Variants in DPP6 observed in about 807,000 individuals in gnomAD.
DPP6 encodes the protein dipeptidyl peptidase like 6.
A neutral mutation model predicts 122.6 loss-of-function variants in DPP6; 69 were observed. The ratio of observed to expected loss-of-function variants is 0.56; its 90% confidence interval spans 0.46 to 0.69. DPP6 has a LOEUF of 0.69. Ranked by LOEUF, DPP6 falls within the 30% of genes least tolerant of loss-of-function variation. The pLI is 0.00. For synonymous variants in DPP6, 418 were observed against 433.1 expected (o/e 0.97, Z 0.43); for missense variants, 928 against 1,116.9 (o/e 0.83, Z 2.41).
At chr7:154,422,997 C>T (rs1365549435) in intron 1 of DPP6, among the ~76,000 whole-genome samples, 5 of 152,086 alleles carry the variant, frequency 3.3e-5, no homozygotes, top group Non-Finnish European at 5.9e-5. Context: ...GAGGTATTAC[C>T]TGCTGATGGT....
At chr7:153,885,361 A>G (rs932595634), upstream of DPP6, among the ~76,000 whole-genome samples, 1 of 152,016 alleles carries the variant, frequency 6.6e-6, no homozygotes, top group African/African-American at 2.4e-5. Flanking sequence ...TCCAGAATTC[A>G]TATGTGAAAC....
intron 1 of DPP6, among the ~76,000 whole-genome samples, chr7:154,202,397 A>G (rs1386051381): frequency 6.6e-6 from 1 of 152,220 alleles, no homozygotes; most frequent in African/African-American, 2.4e-5. Context: ...AAGGATGCCG[A>G]ACACATTCAT....
In DPP6 at chr7:154,656,981, T is replaced by C. The variant is rs1586823690; in HGVS notation, c.681-12379T>C. On this transcript the variant is annotated intron_variant, in intron 6 of 25. Transcript: ENST00000377770. ...CTGTGTGGGAGGAGGTGCCCAGAGA[T>C]GGGTGGAGAGGCTGCGTGGGAGGAG... Among the ~76,000 whole-genome samples the C allele has an allele frequency of 1.7e-5, 2 of 118,186 alleles. 1 individual carries two copies. The highest frequency in any genetic ancestry group is 3.3e-5 in the Non-Finnish European group (2 of 59,946). 77.5% of individuals were successfully genotyped at this position (118,186 alleles called of 152,430 possible).
At chr7:153,821,859 C>T in the DPP6 span, among the ~76,000 whole-genome samples, 1 of 151,928 alleles carries the variant, frequency 6.6e-6, no homozygotes, top group African/African-American at 2.4e-5. Context: ...CCTCCAGTGA[C>T]AAGCTCTGTG....
the DPP6 span, among the ~76,000 whole-genome samples, chr7:153,810,671 C>CTCCTCT: frequency 8.0e-6 from 1 of 124,632 alleles, no homozygotes; most frequent in Non-Finnish European, 1.6e-5. Context: ...CTCTCTCTCT[C>CTCCTCT]CTCTCTCTCT....
Position 154,524,219 on chromosome 7 carries a change from G to A in DPP6, c.458-16313G>A, listed in dbSNP as rs139922874. ...ATAGTTTTGTTTTCTTTAATGTTTT[G>A]TGAGTATCACTATTGACTTGTGCTT... On this transcript the variant is annotated intron_variant, in intron 3 of 25. Coordinates refer to ENST00000377770, the MANE Select transcript of DPP6 (RefSeq NM_130797.4). 1.6e-3 allele frequency among the ~76,000 whole-genome samples: 245 copies of A among 152,302 alleles called. 1 individual carries two copies. Among genetic ancestry groups the A allele is most frequent in the African/African-American group, 5.7e-3 (236 of 41,568 alleles).
intron 1 of DPP6, among the ~76,000 whole-genome samples, chr7:154,184,300 C>A (rs561605028): frequency 6.6e-6 from 1 of 151,830 alleles, no homozygotes; most frequent in African/African-American, 2.4e-5. Context: ...ACCCATTTTT[C>A]CCCTGGGAGG....
intron 7 of DPP6, among the ~76,000 whole-genome samples, chr7:154,707,109 A>C (rs1407357817): frequency 2.0e-5 from 3 of 152,224 alleles, no homozygotes; most frequent in African/African-American, 7.2e-5. Flanking sequence ...TTTGAAGGAA[A>C]GGGCAGAGGG....
intron 4 of DPP6, among the ~76,000 whole-genome samples, chr7:154,544,546 G>A (rs1829008536): frequency 6.6e-6 from 1 of 152,218 alleles, no homozygotes; most frequent in Non-Finnish European, 1.5e-5. Flanking sequence ...AAACAATAGA[G>A]TTGAGCAGTT....
the DPP6 span, among the ~76,000 whole-genome samples, chr7:153,868,971 T>C: frequency 1.1e-4 from 17 of 152,298 alleles, no homozygotes; most frequent in Admixed American, 9.2e-4. Context: ...TTTGAGTGAG[T>C]TTCTTAATCC....
At chr7:153,983,611 AGCTAGCTTGGTGTCT>A (rs1796700544) in intron 1 of DPP6, among the ~76,000 whole-genome samples, 1 of 151,664 alleles carries the variant, frequency 6.6e-6, no homozygotes, top group African/African-American at 2.4e-5. Context: ...AAACTCCTCC[AGCTAGCTTGGTGTCT>A]GCCCAAATGG....
At chr7:154,599,408 G>C (rs1174217951) in intron 5 of DPP6, among the ~76,000 whole-genome samples, 1 of 152,080 alleles carries the variant, frequency 6.6e-6, no homozygotes, top group East Asian at 1.9e-4. Context: ...AGAAAACGTG[G>C]CTCAGGTGAC....
At chr7:153,791,424 C>CTTTTTTTTTTTT in the DPP6 span, among the ~76,000 whole-genome samples, 8,232 of 91,194 alleles carry the variant, frequency 0.09, 1,274 homozygotes, top group African/African-American at 0.13. Flanking sequence ...TCCTTCCTTT[C>CTTTTTTTTTTTT]TTTTTTTTTT....
intron 6 of DPP6, among the ~76,000 whole-genome samples, chr7:154,659,752 C>T (rs561483808): frequency 1.2e-4 from 18 of 152,342 alleles, no homozygotes; most frequent in South Asian, 4.1e-4. Context: ...CAGATTGCCA[C>T]GACTCACTTC....
rs1815853325 is a variant in DPP6, at chr7:154,403,867, G to T, written c.244-42347G>T. On this transcript the variant is annotated intron_variant, in intron 1 of 25. Transcript: ENST00000377770. This position sits in a 1 kb window ranked among gnomAD's most constrained non-coding sequence, Gnocchi z 4.1. ...TCTTCCTACTTCTCTTTCTTTGGAAGCATTTCATTTCCTTTTCTAGAAAAT... is the reference window on the plus strand; with the variant it reads ...TCTTCCTACTTCTCTTTCTTTGGAATCATTTCATTTCCTTTTCTAGAAAAT... Among the ~76,000 whole-genome samples the T allele has an allele frequency of 6.6e-6, 1 of 152,160 alleles. No individual in the cohort carries two copies. The highest frequency in any genetic ancestry group is 6.5e-5 in the Admixed American group (1 of 15,270).
chr7:154,626,409 C>T (rs12719642), intron 5 of DPP6, among the ~76,000 whole-genome samples: 63,240 of 151,734 alleles, frequency 0.42, 13,718 homozygotes, highest in African/African-American at 0.55. Context: ...GAGGCATCCT[C>T]GGTTTTAATC....
intron 1 of DPP6, among the ~76,000 whole-genome samples, chr7:154,427,944 T>C (rs781040980): frequency 2.6e-5 from 4 of 152,178 alleles, no homozygotes; most frequent in Non-Finnish European, 4.4e-5. Context: ...TTTGTGTGAG[T>C]GGTATGGAAG....
intron 1 of DPP6, among the ~76,000 whole-genome samples, chr7:154,044,412 C>A (rs989162528): frequency 1.3e-5 from 2 of 152,102 alleles, no homozygotes; most frequent in Non-Finnish European, 2.9e-5. Context: ...TTAATGAGAA[C>A]CCACATGTAT....
At chr7:153,982,604 C>T (rs1359043937) in intron 1 of DPP6, among the ~76,000 whole-genome samples, 1 of 151,884 alleles carries the variant, frequency 6.6e-6, no homozygotes, top group East Asian at 1.9e-4. Context: ...AGTTGTGATC[C>T]TTTGGAGGAG....
Sources: gnomAD v4.1 joint callset for allele counts (sites outside exome capture counted in the v4.1 genomes callset) on GRCh38, gnomAD v4.1.1 for gene constraint, Gnocchi (gnomAD v3.1) non-coding constraint, MANE v1.5 for transcripts, NCBI Gene and HGNC (gene_info 2026-07-23, HGNC 2026-07-21) for gene names.